Variants in LENG8 observed in about 807,000 individuals in gnomAD.
The protein encoded by LENG8 is leukocyte receptor cluster member 8.
Under a neutral mutation model 102.1 loss-of-function variants are expected in LENG8, and 28 were observed. The observed-to-expected ratio is 0.27, with a 90% CI of 0.20 to 0.38. The LOEUF (loss-of-function observed/expected upper bound fraction) is 0.38, where lower values mean the gene tolerates loss of function less well. LENG8 is among the 10% of genes least tolerant of loss of function. The pLI, the probability that LENG8 is intolerant of heterozygous loss-of-function variation, is 1.00. For synonymous variants in LENG8, 531 were observed against 456.7 expected (o/e 1.16, Z -2.07); for missense variants, 1,022 against 1,113.9 (o/e 0.92, Z 1.17).
chr19:54,457,065 C>A, intron 11 of LENG8, 144 bp downstream of exon 11: 1 of 998,978 alleles, frequency 1.0e-6, no homozygotes, highest in Non-Finnish European at 1.4e-6. Context: ...GGCTGGTCGG[C>A]ATTCTGAGAG....
At chr19:54,454,797 TG>T in intron 6 of LENG8, 115 bp downstream of exon 6, 1 of 1,428,268 alleles carries the variant, frequency 7.0e-7, no homozygotes, top group Non-Finnish European at 9.4e-7. Flanking sequence ...ATCGCCAGGC[TG>T]GGGGTGGGGC....
In LENG8 at chr19:54,461,919, C is replaced by T; in HGVS notation, c.*991C>T. ...TTCCTCCTCTGCCTCCCCTTCCCCTCCTCTCCCCTCCTTTTCCTTCCTTCC... is the reference window on the plus strand; with the variant it reads ...TTCCTCCTCTGCCTCCCCTTCCCCTTCTCTCCCCTCCTTTTCCTTCCTTCC... On this transcript the variant is annotated 3_prime_UTR_variant, in exon 16 of 16. Coordinates refer to ENST00000326764, the MANE Select transcript of LENG8 (RefSeq NM_052925.4). 4 of 901,738 alleles carry T rather than the reference C, an allele frequency of 4.4e-6. No individual in the cohort carries two copies. Among genetic ancestry groups the T allele is most frequent in the South Asian group, 1.3e-5 (1 of 75,450 alleles). 55.9% of individuals were successfully genotyped at this position (901,738 alleles called of 1,614,324 possible).
At chr19:54,459,247 G>A (rs1458038110) in intron 15 of LENG8, 1 of 1,047,480 alleles carries the variant, frequency 9.5e-7, no homozygotes, top group Non-Finnish European at 1.2e-6. Context: ...CAGGGATGCT[G>A]CCCTGCCACT....
At chr19:54,455,675 A>G (rs1599978517) in intron 8 of LENG8, 108 bp downstream of exon 8, 3 of 1,112,962 alleles carry the variant, frequency 2.7e-6, no homozygotes, top group Non-Finnish European at 2.6e-6. Context: ...CTCCAAAGAG[A>G]AATGAACTGG....
intron 4 of LENG8, 91 bp downstream of exon 4, chr19:54,452,843 G>A (rs866507293): frequency 1.2e-4 from 102 of 864,806 alleles, no homozygotes; most frequent in Middle Eastern, 4.5e-4. Context: ...ATGGGGCTGG[G>A]TGGTGGATGG....
Position 54,457,766 on chromosome 19 carries a change from G to A in LENG8, c.1751G>A (p.Cys584Tyr), listed in dbSNP as rs375802079. 6 of 1,613,900 alleles carry A rather than the reference G, an allele frequency of 3.7e-6. No individual in the cohort carries two copies. Among genetic ancestry groups the A allele is most frequent in the African/African-American group, 1.3e-5 (1 of 74,926 alleles). The stretch of plus-strand genomic sequence containing the variant: ...TTTCAGGTTTTGAAAAAGTCGCTGT[G>A]CATGGTCAAGTGCCACTGGAAAGAG... ...RPVAVLKKSLCMVKCHWKEKQ... is the reference protein window; with the variant it reads ...RPVAVLKKSLYMVKCHWKEKQ... Residue 584 changes from cysteine to tyrosine, a missense_variant, in exon 12 of 16, where the codon TGC (cysteine) becomes TAC (tyrosine). Cys to Tyr is a radical substitution (Grantham distance 194). Coordinates refer to ENST00000326764, the MANE Select transcript of LENG8 (RefSeq NM_052925.4).
Position 54,456,422 on chromosome 19 carries a change from G to A in LENG8, c.1402G>A (p.Ala468Thr), listed in dbSNP as rs1206942599. 11 of 1,609,740 alleles carry A rather than the reference G, an allele frequency of 6.8e-6. No homozygotes were observed. Among genetic ancestry groups the A allele is most frequent in the Non-Finnish European group, 9.3e-6 (11 of 1,179,810 alleles). ...CCCTAAGGGCCGGGGCGGTCGAGGG[G>A]CCCATATGGATCGGGGCCGAGGCAG... ...PPPKGRGGRG[A>T]HMDRGRGRAQ... The change falls in exon 10 of 16, where the codon GCC (alanine) becomes ACC (threonine). Residue 468 changes from alanine to threonine, a missense_variant. Ala to Thr is a moderately conservative substitution (Grantham distance 58, BLOSUM62 0). This residue lies in a region of LENG8 where 326 missense variants were observed against 324.5 expected (regional missense o/e 1.00). Coordinates refer to ENST00000326764, the MANE Select transcript of LENG8 (RefSeq NM_052925.4).
At position 54,461,612 on chromosome 19, in the gene LENG8, T is replaced by G. The variant is rs1361378852; in HGVS notation, c.*684T>G. The G allele has an allele frequency of 8.5e-6, 4 of 472,352 alleles. No homozygotes were observed. Among genetic ancestry groups the G allele is most frequent in the Non-Finnish European group, 1.8e-5 (4 of 227,974 alleles). 29.3% of individuals were successfully genotyped at this position (472,352 alleles called of 1,614,324 possible). On this transcript the variant is annotated 3_prime_UTR_variant, in exon 16 of 16. Transcript: ENST00000326764. ...TCCCCTCCTCCCTCTGCCCCCAGTG[T>G]TTCTTCTGATTTTTTTTTCCCCTTT...
At chr19:54,453,911 C>A (rs1156938895) in intron 5 of LENG8, among the ~76,000 whole-genome samples, 7 of 152,206 alleles carry the variant, frequency 4.6e-5, no homozygotes, top group Non-Finnish European at 8.8e-5. Context: ...GGCGTGCACA[C>A]ACCGGCTGGG....
At chr19:54,459,895 GCT>G in intron 15 of LENG8, 1 of 1,170,322 alleles carries the variant, frequency 8.5e-7, no homozygotes, top group African/African-American at 1.6e-5. Context: ...ATGAATGGTG[GCT>G]CTCAAGCTTC....
At position 54,459,500 on chromosome 19, in the gene LENG8, A is replaced by G. The variant is rs540810307; in HGVS notation, c.2240+979A>G. The G allele has an allele frequency of 2.4e-4, 236 of 981,924 alleles. 3 individuals are homozygous for G. The South Asian group carries it at 4.0e-3, about 17-fold the overall frequency. 60.8% of individuals were successfully genotyped at this position (981,924 alleles called of 1,614,324 possible). ...ACGTGAGGTCATGGTCACAGCATGGAGGCCTTGAGAGCCTGGCCAGGTGGC... is the reference window on the plus strand; with the variant it reads ...ACGTGAGGTCATGGTCACAGCATGGGGGCCTTGAGAGCCTGGCCAGGTGGC... On this transcript the variant is annotated intron_variant, in intron 15 of 15. Transcript: ENST00000326764.
chr19:54,461,027 G>C lies in LENG8; in HGVS notation c.*99G>C. ...GTGGACTTGGGTTGTAAATTTATTTGTGGGGAGTGCGCTCCAGGAAGAGCC... is the reference window on the plus strand; with the variant it reads ...GTGGACTTGGGTTGTAAATTTATTTCTGGGGAGTGCGCTCCAGGAAGAGCC... On this transcript the variant is annotated 3_prime_UTR_variant, in exon 16 of 16. Transcript: ENST00000326764. The C allele has an allele frequency of 6.6e-7, 1 of 1,511,478 alleles. No homozygotes were observed. Among genetic ancestry groups the C allele is most frequent in the Non-Finnish European group, 8.9e-7 (1 of 1,128,034 alleles). 93.6% of individuals were successfully genotyped at this position (1,511,478 alleles called of 1,614,324 possible). A position where few individuals can be genotyped will look rare whatever the true frequency, so the allele number is the denominator to read the frequency against.
rs749811035 is a variant in LENG8, at chr19:54,454,531, T to C, written c.528T>C (p.Ala176=). Residue 176 remains alanine, a synonymous_variant, in exon 6 of 16, where the codon GCT becomes GCC. Coordinates refer to ENST00000326764, the MANE Select transcript of LENG8 (RefSeq NM_052925.4). ...PPQPSNPPHG[A]HTLNSGPQPG... ...AGCCCTCAAATCCCCCACATGGGGC[T>C]CACACGCTGAACAGTGGCCCTCAGC... is the stretch of plus-strand genomic sequence containing the variant. 1 of 1,613,742 alleles carries C rather than the reference T, an allele frequency of 6.2e-7. No individual in the cohort carries two copies. The highest frequency in any genetic ancestry group is 2.2e-5 in the East Asian group (1 of 44,874).
Position 54,461,210 on chromosome 19 carries a change from A to G in LENG8, c.*282A>G, listed in dbSNP as rs943410282. On this transcript the variant is annotated 3_prime_UTR_variant, in exon 16 of 16. Transcript: ENST00000326764. The stretch of plus-strand genomic sequence containing the variant: ...CTCATCTGTGTCCGCCTTTCACTCC[A>G]CTAATGCTGTCTCAGTGTTTTCTCT... 4.6e-6 allele frequency: 3 copies of G among 653,878 alleles called. No homozygotes were observed. The highest frequency in any genetic ancestry group is 3.6e-5 in the African/African-American group (2 of 56,182). The allele number at this position is 653,878 out of a possible 1,614,324, so 40.5% of individuals were successfully genotyped here. A position where few individuals can be genotyped will look rare whatever the true frequency, so the allele number is the denominator to read the frequency against.
intron 15 of LENG8, 27 bp from the exon 16 acceptor site, chr19:54,460,739 C>CCA: frequency 6.9e-7 from 1 of 1,458,686 alleles, no homozygotes; most frequent in Non-Finnish European, 9.1e-7. Context: ...CCGCCCGCCT[C>CCA]ATCACCTTCT....
chr19:54,458,440 A>G lies in LENG8; in HGVS notation c.2159A>G (p.His720Arg). 1.2e-6 allele frequency: 2 copies of G among 1,614,260 alleles called. No homozygotes were observed. Among genetic ancestry groups the G allele is most frequent in the Non-Finnish European group, 1.7e-6 (2 of 1,180,050 alleles). ...NYHRFFRLYC[H>R]APCMSGYLVD... ...CACCGCTTTTTCCGGCTCTACTGCC[A>G]TGCACCCTGCATGTCTGGCTACCTC... The change falls in exon 15 of 16, where the codon CAT becomes CGT. Residue 720 changes from histidine (H) to arginine (R), a missense_variant. Transcript: ENST00000326764.
At position 54,458,001 on chromosome 19, in the gene LENG8, A is replaced by T; in HGVS notation, c.1901A>T (p.Lys634Met). 1 of 1,613,606 alleles carries T rather than the reference A, an allele frequency of 6.2e-7. No homozygotes were observed. The highest frequency in any genetic ancestry group is 2.2e-5 in the East Asian group (1 of 44,876). The change falls in exon 13 of 16, where the codon AAG becomes ATG. Residue 634 changes from lysine (K) to methionine (M), a missense_variant and splice_region_variant. Around this residue, in one of 7 missense-constraint regions of LENG8, gnomAD observed 158 missense variants for 229.0 expected, o/e 0.69. Coordinates refer to ENST00000326764, the MANE Select transcript of LENG8 (RefSeq NM_052925.4). ...YETHARIALE[K>M]GDHEEFNQCQ... ...ACCCATGCCCGGATCGCCTTGGAGAAGGTGAGCTGGCCTCTGCGGGCCTCC... is the reference window on the plus strand; with the variant it reads ...ACCCATGCCCGGATCGCCTTGGAGATGGTGAGCTGGCCTCTGCGGGCCTCC...
intron 2 of LENG8, 61 bp from the exon 3 acceptor site, chr19:54,452,032 A>C: frequency 2.0e-6 from 3 of 1,519,302 alleles, no homozygotes; most frequent in East Asian, 2.3e-5. Flanking sequence ...TTGCCTCCCA[A>C]CTTGCCCACC....
chr19:54,451,339 G>A lies in LENG8; in HGVS notation c.-6G>A, dbSNP rs770260745. The A allele has an allele frequency of 6.2e-6, 10 of 1,614,130 alleles. No homozygotes were observed. In the South Asian group the frequency reaches 7.7e-5, roughly 12 times the overall value. Reference sequence around the variant, plus strand: ...CGAGGTCCACCCCTTATACCCCAAGGTCCAGATGGCGGCCAACGTGGGTGA... The same window carrying A: ...CGAGGTCCACCCCTTATACCCCAAGATCCAGATGGCGGCCAACGTGGGTGA... On this transcript the variant is annotated 5_prime_UTR_variant, in exon 2 of 16. Transcript: ENST00000326764.
Sources: allele counts gnomAD v4.1 joint callset (sites outside exome capture counted in the v4.1 genomes callset), GRCh38; gene constraint gnomAD v4.1.1; regional missense constraint gnomAD v4.1.1; transcripts MANE v1.5; gene names NCBI Gene and HGNC (gene_info 2026-07-23, HGNC 2026-07-21).